ATF1: variants seen among roughly 807,000 people sequenced by gnomAD.
The protein encoded by ATF1 is activating transcription factor 1.
A neutral mutation model predicts 34.7 loss-of-function variants in ATF1; 16 were observed. The ratio of observed to expected loss-of-function variants is 0.46; its 90% CI spans 0.31 to 0.70. ATF1 has a LOEUF of 0.70. Among genes scored for constraint, ATF1 ranks in the 30% least tolerant of loss-of-function variants. ATF1 has a pLI of 0.05. For missense variants in ATF1, 255 were observed against 321.6 expected, an observed-to-expected ratio of 0.79 and a Z score of 1.58; for synonymous variants, 105 against 113.1, an observed-to-expected ratio of 0.93 and a Z score of 0.46.
chr12:50,804,750 A>T (rs1941581355), intron 3 of ATF1, among the ~76,000 whole-genome samples: 1 of 152,238 alleles, frequency 6.6e-6, no homozygotes, highest in Non-Finnish European at 1.5e-5. Flanking sequence ...ACTTACAGTC[A>T]GAAAATCAGA....
chr12:50,783,145 A>G (rs1008038254), intron 2 of ATF1, among the ~76,000 whole-genome samples: 1 of 152,216 alleles, frequency 6.6e-6, no homozygotes, highest in Non-Finnish European at 1.5e-5. Context: ...ATGAACTGCT[A>G]ATTTTTTAAA....
chr12:50,808,173 A>G, intron 3 of ATF1, among the ~76,000 whole-genome samples: 1 of 152,288 alleles, frequency 6.6e-6, no homozygotes. Context: ...TATTCCTGTC[A>G]TTAGTGCCAT....
At chr12:50,785,340 G>C (rs1035383756) in intron 2 of ATF1, among the ~76,000 whole-genome samples, 9 of 104,120 alleles carry the variant, frequency 8.6e-5, no homozygotes, top group African/African-American at 3.4e-4. Context: ...CACACACACA[G>C]ACGTATATAT....
chr12:50,769,226 C>T (rs563021305), intron 1 of ATF1, among the ~76,000 whole-genome samples: 128 of 152,090 alleles, frequency 8.4e-4, no homozygotes, highest in African/African-American at 2.9e-3. Context: ...CTAAGTTGGC[C>T]GGGCACAGTG....
intron 1 of ATF1, among the ~76,000 whole-genome samples, chr12:50,777,002 G>A (rs574970838): frequency 6.6e-6 from 1 of 152,140 alleles, no homozygotes; most frequent in African/African-American, 2.4e-5. Context: ...ACAGGCATGC[G>A]ACACCATACC....
rs191088768 is a variant in ATF1, at chr12:50,812,472, G to A, written c.329-1538G>A. Among the ~76,000 whole-genome samples the A allele has an allele frequency of 2.0e-5, 3 of 152,254 alleles. No homozygotes were observed. The East Asian group carries it at 5.8e-4, about 29-fold the overall frequency. On this transcript the variant is annotated intron_variant, in intron 4 of 6. Coordinates refer to ENST00000262053, the MANE Select transcript of ATF1 (RefSeq NM_005171.5). ...GATACTTATATAAATAAATGTGTATGTGTATATATGTATATAATAATGTGT... is the reference window on the plus strand; with the variant it reads ...GATACTTATATAAATAAATGTGTATATGTATATATGTATATAATAATGTGT...
intron 2 of ATF1, among the ~76,000 whole-genome samples, chr12:50,786,466 T>G (rs1427920647): frequency 6.6e-6 from 1 of 152,098 alleles, no homozygotes; most frequent in Non-Finnish European, 1.5e-5. Context: ...TACCCTCTTG[T>G]AGGTTTTTCT....
chr12:50,807,798 G>A (rs918480649), intron 3 of ATF1, among the ~76,000 whole-genome samples: 3 of 80,680 alleles, frequency 3.7e-5, no homozygotes, highest in Non-Finnish European at 5.5e-5. Flanking sequence ...CCAATTGTGT[G>A]TGTGTTTTTT....
At chr12:50,809,682 T>C (rs965493715) in intron 4 of ATF1, 93 bp downstream of exon 4, 6 of 1,288,606 alleles carry the variant, frequency 4.7e-6, no homozygotes, top group Non-Finnish European at 2.1e-6. Flanking sequence ...AATACTTTGA[T>C]AGTGATGATT....
At position 50,780,230 on chromosome 12, in the gene ATF1, G is replaced by C; in HGVS notation, c.85G>C (p.Ala29Pro). 6.2e-7 allele frequency: 1 copy of C among 1,610,942 alleles called. No individual in the cohort carries two copies. Among genetic ancestry groups the C allele is most frequent in the Non-Finnish European group, 8.5e-7 (1 of 1,177,644 alleles). Residue 29 changes from alanine (A) to proline (P), a missense_variant, in exon 2 of 7, where the codon GCT becomes CCT. By Grantham distance (27) the Ala-to-Pro change is conservative. Transcript: ENST00000262053. ...AVQGAHISHI[A>P]QQVSSLSESE... The stretch of plus-strand genomic sequence containing the variant: ...TCAGGGAGCTCACATTTCTCATATT[G>C]CTCAACAGGTAAGGGAGGGACTGGC...
intron 2 of ATF1, chr12:50,788,138 G>C (rs893254579): frequency 4.6e-6 from 2 of 430,726 alleles, no homozygotes; most frequent in Non-Finnish European, 9.2e-6. Context: ...AAATGTGGCT[G>C]ATAGGTCAAA....
At chr12:50,805,991 C>T (rs1941607850) in intron 3 of ATF1, among the ~76,000 whole-genome samples, 1 of 151,806 alleles carries the variant, frequency 6.6e-6, no homozygotes, top group Non-Finnish European at 1.5e-5. Flanking sequence ...TCTCCACTAA[C>T]AATACAAAAA....
At chr12:50,775,311 T>C (rs1940891036) in intron 1 of ATF1, among the ~76,000 whole-genome samples, 1 of 152,126 alleles carries the variant, frequency 6.6e-6, no homozygotes, top group Admixed American at 6.6e-5. Flanking sequence ...TGGCTTTTAC[T>C]GTTGATATGT....
chr12:50,804,046 A>G (rs1371653517), intron 3 of ATF1, among the ~76,000 whole-genome samples: 2 of 152,242 alleles, frequency 1.3e-5, no homozygotes, highest in Non-Finnish European at 2.9e-5. Context: ...ACAACTGTTA[A>G]TATACTAAAA....
chr12:50,818,771 A>G (rs1941892613), intron 6 of ATF1, among the ~76,000 whole-genome samples: 2 of 151,974 alleles, frequency 1.3e-5, no homozygotes, highest in South Asian at 2.1e-4. Flanking sequence ...CACCACAGCT[A>G]ATTTTTGTAT....
chr12:50,818,470 A>C (rs1941886275), intron 6 of ATF1, among the ~76,000 whole-genome samples: 1 of 152,216 alleles, frequency 6.6e-6, no homozygotes, highest in Non-Finnish European at 1.5e-5. Flanking sequence ...CAAACAAACA[A>C]ACAGAGCTTA....
At chr12:50,774,924 T>C (rs1940876732) in intron 1 of ATF1, among the ~76,000 whole-genome samples, 1 of 151,824 alleles carries the variant, frequency 6.6e-6, no homozygotes, top group Non-Finnish European at 1.5e-5. Context: ...ATTTTTTGTA[T>C]TTTTAGTAGA....
intron 1 of ATF1, among the ~76,000 whole-genome samples, chr12:50,774,466 T>C (rs189061519): frequency 1.3e-3 from 194 of 152,344 alleles, no homozygotes; most frequent in African/African-American, 4.6e-3. Flanking sequence ...TACTCCCTTG[T>C]TTCTGCCTGA....
intron 2 of ATF1, chr12:50,788,241 AGT>A (rs1941227247): frequency 2.2e-6 from 1 of 453,000 alleles, no homozygotes; most frequent in Admixed American, 2.4e-5. Context: ...GGTGTGCAGT[AGT>A]GTGAACATAG....
Sources: allele counts gnomAD v4.1 joint callset (sites outside exome capture counted in the v4.1 genomes callset), GRCh38; gene constraint gnomAD v4.1.1; transcripts MANE v1.5; gene names NCBI Gene and HGNC (gene_info 2026-07-23, HGNC 2026-07-21).